The following IQCM variants were observed in gnomAD, a reference collection of about 807,000 sequenced individuals.
IQCM encodes the protein IQ domain-containing protein M.
IQCM carries 45 observed loss-of-function variants against 57.6 expected under a neutral mutation model. That is an observed-to-expected ratio of 0.78 (90% CI 0.62 to 1.00). The LOEUF is 1.00. Among genes scored for constraint, IQCM ranks in the 50% least tolerant of loss-of-function variants. The pLI is 0.00. For synonymous variants in IQCM, 148 were observed against 158.9 expected (o/e 0.93, Z 0.51); for missense variants, 468 against 511.6 (o/e 0.91, Z 0.82).
In IQCM at chr4:149,487,119, G is replaced by A. The variant is rs149350967; in HGVS notation, c.1229-53562C>T. Among the ~76,000 whole-genome samples the A allele has an allele frequency of 2.0e-3, 303 of 152,170 alleles. 2 individuals are homozygous for A. Among genetic ancestry groups the A allele is most frequent in the Middle Eastern group, 0.014 (4 of 294 alleles). On this transcript the variant is annotated intron_variant, in intron 12 of 13. Transcript: ENST00000636793. ...CTGGTATCACTGCTGGTTATTCAAG[G>A]CCCAAGAGCTTTTTAGTCAGCAGGT...
chr4:149,751,613 A>T (rs1768450757), intron 2 of IQCM, among the ~76,000 whole-genome samples: 2 of 152,164 alleles, frequency 1.3e-5, no homozygotes, highest in Admixed American at 1.3e-4. Context: ...TTTATATCTC[A>T]CAGGGCTACT....
At chr4:149,476,417 T>C (rs1286934144) in intron 12 of IQCM, among the ~76,000 whole-genome samples, 2 of 152,152 alleles carry the variant, frequency 1.3e-5, no homozygotes, top group Admixed American at 6.6e-5. Context: ...AATTATCATA[T>C]AGGTAAGATG....
At chr4:149,593,881 G>C (rs1041329094) in intron 8 of IQCM, among the ~76,000 whole-genome samples, 2 of 152,024 alleles carry the variant, frequency 1.3e-5, no homozygotes, top group Non-Finnish European at 2.9e-5. Flanking sequence ...GAGGATCTTT[G>C]CATCGATGTT....
At chr4:149,665,096 C>A (rs901258005) in intron 7 of IQCM, among the ~76,000 whole-genome samples, 1 of 152,130 alleles carries the variant, frequency 6.6e-6, no homozygotes, top group African/African-American at 2.4e-5. Context: ...ACTGTAGGGC[C>A]TCACAAATGG....
intron 2 of IQCM, among the ~76,000 whole-genome samples, chr4:149,768,847 G>T (rs79843777): frequency 4.6e-5 from 7 of 152,112 alleles, no homozygotes; most frequent in African/African-American, 1.7e-4. Context: ...CAAAAAAGCT[G>T]ACAAACTTGA....
intron 13 of IQCM, among the ~76,000 whole-genome samples, chr4:149,422,514 A>G (rs1217260947): frequency 6.6e-6 from 1 of 152,092 alleles, no homozygotes; most frequent in Non-Finnish European, 1.5e-5. Flanking sequence ...AGAGAAAAAT[A>G]AAGACTAATA....
chr4:149,741,539 T>G (rs987275393), intron 3 of IQCM, among the ~76,000 whole-genome samples: 2 of 152,130 alleles, frequency 1.3e-5, no homozygotes, highest in African/African-American at 4.8e-5. Flanking sequence ...GTGTTCTGTG[T>G]TATCCACATA....
At chr4:149,715,525 C>T (rs540827954) in intron 5 of IQCM, among the ~76,000 whole-genome samples, 4 of 152,238 alleles carry the variant, frequency 2.6e-5, no homozygotes, top group East Asian at 1.9e-4. Context: ...CCTGAAGGAC[C>T]GCTGCTCTTC....
intron 7 of IQCM, among the ~76,000 whole-genome samples, chr4:149,671,528 T>C (rs1761284949): frequency 6.6e-6 from 1 of 152,188 alleles, no homozygotes; most frequent in South Asian, 2.1e-4. Flanking sequence ...AGCTTTTGAA[T>C]GTGTTTGCTC....
At chr4:149,383,707 A>C in intron 13 of IQCM, among the ~76,000 whole-genome samples, 1 of 152,130 alleles carries the variant, frequency 6.6e-6, no homozygotes, top group East Asian at 1.9e-4. Flanking sequence ...TAATCCCAGC[A>C]CTTTGGGAGG....
At chr4:149,808,560 T>G (rs1030619389) in intron 2 of IQCM, among the ~76,000 whole-genome samples, 2 of 152,154 alleles carry the variant, frequency 1.3e-5, no homozygotes, top group African/African-American at 4.8e-5. Flanking sequence ...ATTATAATGT[T>G]CTTAACACAA....
chr4:149,537,035 T>G (rs1403824766), intron 12 of IQCM, among the ~76,000 whole-genome samples: 1 of 151,916 alleles, frequency 6.6e-6, no homozygotes, highest in African/African-American at 2.4e-5. Flanking sequence ...AAATTTCCAG[T>G]GCTCAACAAT....
At chr4:149,632,782 C>A (rs959602635) in intron 7 of IQCM, among the ~76,000 whole-genome samples, 2 of 152,150 alleles carry the variant, frequency 1.3e-5, no homozygotes, top group Non-Finnish European at 2.9e-5. Flanking sequence ...AAATCGTACG[C>A]ATGTGGAGAA....
chr4:149,378,838 A>T (rs1730876423), intron 13 of IQCM, among the ~76,000 whole-genome samples: 1 of 152,146 alleles, frequency 6.6e-6, no homozygotes, highest in Non-Finnish European at 1.5e-5. Context: ...GTCTCCAGGG[A>T]ATATCAGAGA....
intron 2 of IQCM, among the ~76,000 whole-genome samples, chr4:149,778,407 A>G (rs1771306430): frequency 6.6e-6 from 1 of 152,038 alleles, no homozygotes; most frequent in South Asian, 2.1e-4. Flanking sequence ...TTAATATACA[A>G]CATATCAAAA....
chr4:149,761,538 T>G (rs1388917967), intron 2 of IQCM, among the ~76,000 whole-genome samples: 1 of 152,124 alleles, frequency 6.6e-6, no homozygotes, highest in Non-Finnish European at 1.5e-5. Context: ...TCTTCTCCTG[T>G]AAGAATCCCA....
At chr4:149,486,191 C>T (rs1009871200) in intron 12 of IQCM, among the ~76,000 whole-genome samples, 1 of 152,022 alleles carries the variant, frequency 6.6e-6, no homozygotes, top group Non-Finnish European at 1.5e-5. Flanking sequence ...TGCTCAAGGC[C>T]CTTCTCTTCA....
intron 2 of IQCM, among the ~76,000 whole-genome samples, chr4:149,815,011 T>C (rs1774921364): frequency 1.3e-5 from 2 of 152,036 alleles, no homozygotes; most frequent in South Asian, 4.1e-4. Flanking sequence ...TCCTACTCTT[T>C]GAAAATGCAT....
chr4:149,650,744 CTA>C (rs1164333202), intron 7 of IQCM, among the ~76,000 whole-genome samples: 6 of 152,170 alleles, frequency 3.9e-5, no homozygotes, highest in African/African-American at 7.2e-5. Flanking sequence ...TACCACACAG[CTA>C]AGAAACTAAC....
Sources: allele counts gnomAD v4.1 joint callset (sites outside exome capture counted in the v4.1 genomes callset), GRCh38; gene constraint gnomAD v4.1.1; transcripts MANE v1.5; gene names NCBI Gene and HGNC (gene_info 2026-07-23, HGNC 2026-07-21).